Variants in CADPS2 observed in about 807,000 individuals in gnomAD.
CADPS2 encodes the protein calcium dependent secretion activator 2, also known as calcium-dependent secretion activator 2.
In CADPS2, 93 loss-of-function variants were observed where a neutral mutation model predicts 172.5. That is an observed-to-expected ratio of 0.54 (90% confidence interval 0.46 to 0.64). The LOEUF is 0.64. Ranked by LOEUF, CADPS2 falls within the 30% of genes least tolerant of loss-of-function variation. The pLI is 0.00. For synonymous variants in CADPS2, 546 were observed against 555.2 expected (o/e 0.98, Z 0.23); for missense variants, 1,420 against 1,565.9 (o/e 0.91, Z 1.57).
intron 6 of CADPS2, among the ~76,000 whole-genome samples, chr7:122,608,848 T>A (rs1162310124): frequency 1.9e-4 from 29 of 152,142 alleles, no homozygotes; most frequent in African/African-American, 7.0e-4. Context: ...AGTGCACTTA[T>A]ATTTTATTGT....
rs776706368 is a variant in CADPS2 at position 122,388,645 on chromosome 7, G to A, written c.3102C>T (p.Ala1034=). ...GTTTAAGTCTTTGCTCTAAGTGGTG[G>A]GCAAATTCCTGTTCTGGCCAGTGCA... ...FDLHWPEQEF[A]HHLEQRLKLM... Residue 1034 remains alanine, a synonymous_variant, in exon 23 of 30, where the codon GCC becomes GCT. Transcript: ENST00000449022. 1.4e-5 allele frequency: 23 copies of A among 1,610,146 alleles called. No homozygotes were observed. Among genetic ancestry groups the A allele is most frequent in the Non-Finnish European group, 1.9e-5 (22 of 1,177,756 alleles).
At chr7:122,584,185 A>T (rs1226696095) in intron 6 of CADPS2, among the ~76,000 whole-genome samples, 1 of 151,898 alleles carries the variant, frequency 6.6e-6, no homozygotes, top group South Asian at 2.1e-4. Flanking sequence ...TCAAAAAATG[A>T]TAATTATCTG....
chr7:122,584,754 A>G (rs1252689497), intron 6 of CADPS2, among the ~76,000 whole-genome samples: 2 of 151,948 alleles, frequency 1.3e-5, no homozygotes, highest in Admixed American at 6.6e-5. Flanking sequence ...TATTTTTACT[A>G]TCATTCAGCT....
chr7:122,434,703 A>G (rs1270299175), intron 17 of CADPS2, among the ~76,000 whole-genome samples: 1 of 152,222 alleles, frequency 6.6e-6, no homozygotes, highest in Non-Finnish European at 1.5e-5. Flanking sequence ...ATGCAAGAAA[A>G]AAATAATAGA....
At chr7:122,387,225 C>A in intron 23 of CADPS2, 52 bp from the exon 24 acceptor site, 1 of 1,521,766 alleles carries the variant, frequency 6.6e-7, no homozygotes, top group South Asian at 1.2e-5. Flanking sequence ...TACAGCTCAC[C>A]TGTTTTGTAA....
At chr7:122,493,353 A>C (rs1486405911) in intron 9 of CADPS2, among the ~76,000 whole-genome samples, 2 of 152,150 alleles carry the variant, frequency 1.3e-5, no homozygotes, top group Non-Finnish European at 2.9e-5. Context: ...TAAAAGGAGA[A>C]AATATATTTT....
At chr7:122,537,893 AGAG>A (rs2062473401) in intron 8 of CADPS2, among the ~76,000 whole-genome samples, 1 of 151,846 alleles carries the variant, frequency 6.6e-6, no homozygotes, top group South Asian at 2.1e-4. Flanking sequence ...TAAAAACGCA[AGAG>A]AAGATTTTAA....
At chr7:122,841,737 T>C (rs1810573088) in intron 1 of CADPS2, among the ~76,000 whole-genome samples, 1 of 152,160 alleles carries the variant, frequency 6.6e-6, no homozygotes, top group Non-Finnish European at 1.5e-5. Context: ...TTGCCTTAAA[T>C]TTTCAGCTGT....
chr7:122,474,459 C>G lies in CADPS2; in HGVS notation c.1920G>C (p.Lys640Asn), dbSNP rs762602401. 1.2e-6 allele frequency: 2 copies of G among 1,613,272 alleles called. No individual in the cohort carries two copies. Among genetic ancestry groups the G allele is most frequent in the South Asian group, 2.2e-5 (2 of 91,074 alleles). ...MDEFISANPC[K>N]LDHAFLFRIL... The stretch of plus-strand genomic sequence containing the variant: ...TTCTAAAAAGGAAGGCATGATCAAG[C>G]TTGCAGGGGTTTGCAGAAATAAACT... The change falls in exon 13 of 30, where the codon AAG becomes AAC. Residue 640 changes from lysine to asparagine, a missense_variant. Lys to Asn is a moderately conservative substitution (Grantham distance 94). Coordinates refer to ENST00000449022, the MANE Select transcript of CADPS2 (RefSeq NM_017954.11).
intron 2 of CADPS2, among the ~76,000 whole-genome samples, chr7:122,717,235 G>A (rs2089735833): frequency 6.6e-6 from 1 of 152,086 alleles, no homozygotes; most frequent in Admixed American, 6.6e-5. Flanking sequence ...CAATTAAGAA[G>A]TTATCTCATC....
At chr7:122,492,488 T>A (rs2058381594) in intron 9 of CADPS2, among the ~76,000 whole-genome samples, 1 of 152,052 alleles carries the variant, frequency 6.6e-6, no homozygotes, top group African/African-American at 2.4e-5. Flanking sequence ...AAATGGGGAA[T>A]GTTTCATTAG....
intron 2 of CADPS2, among the ~76,000 whole-genome samples, chr7:122,700,968 G>T (rs2085959189): frequency 6.6e-6 from 1 of 151,982 alleles, no homozygotes; most frequent in Non-Finnish European, 1.5e-5. Flanking sequence ...AGTAGCTTTG[G>T]AAACTAGATT....
chr7:122,416,906 A>G (rs1263843225), intron 17 of CADPS2, among the ~76,000 whole-genome samples: 1 of 152,256 alleles, frequency 6.6e-6, no homozygotes, highest in Non-Finnish European at 1.5e-5. Context: ...GGCAGAAATT[A>G]AAGAAGCCCT....
intron 3 of CADPS2, among the ~76,000 whole-genome samples, chr7:122,643,884 A>G (rs2077984871): frequency 6.6e-6 from 1 of 152,120 alleles, no homozygotes; most frequent in Non-Finnish European, 1.5e-5. Context: ...TGAGGCCAGG[A>G]GTTGGAGACC....
At chr7:122,719,261 G>A (rs1437294728) in intron 2 of CADPS2, among the ~76,000 whole-genome samples, 1 of 151,978 alleles carries the variant, frequency 6.6e-6, no homozygotes, top group Admixed American at 6.6e-5. Context: ...GGAAGAAGGG[G>A]TGGGGGAGAG....
intron 5 of CADPS2, among the ~76,000 whole-genome samples, chr7:122,620,448 T>A (rs2075465542): frequency 6.6e-6 from 1 of 152,120 alleles, no homozygotes; most frequent in Non-Finnish European, 1.5e-5. Context: ...GTATGTGTTG[T>A]GGTGTACAAA....
At chr7:122,367,611 C>G (rs1328041318) in intron 25 of CADPS2, among the ~76,000 whole-genome samples, 1 of 134,292 alleles carries the variant, frequency 7.4e-6, no homozygotes, top group Non-Finnish European at 1.5e-5. Context: ...ACGGCGTGAT[C>G]TCAGTTCACT....
intron 9 of CADPS2, among the ~76,000 whole-genome samples, chr7:122,513,013 A>G (rs1453881343): frequency 1.3e-5 from 2 of 152,192 alleles, no homozygotes; most frequent in African/African-American, 4.8e-5. Context: ...CAGAGGGTAA[A>G]GAGTCCAAAA....
intron 24 of CADPS2, among the ~76,000 whole-genome samples, chr7:122,380,903 G>A (rs973437465): frequency 6.6e-6 from 1 of 152,006 alleles, no homozygotes; most frequent in African/African-American, 2.4e-5. Flanking sequence ...TTTTGCTTTC[G>A]AGATAGCTTG....
Sources: allele counts gnomAD v4.1 joint callset (sites outside exome capture counted in the v4.1 genomes callset), GRCh38; gene constraint gnomAD v4.1.1; transcripts MANE v1.5; gene names NCBI Gene and HGNC (gene_info 2026-07-23, HGNC 2026-07-21).